Variants in PARD3B observed in about 807,000 individuals in gnomAD.
PARD3B encodes the protein partitioning defective 3 homolog B.
A neutral mutation model predicts 130.2 loss-of-function variants in PARD3B; 103 were observed. That is an observed-to-expected ratio of 0.79 (90% CI 0.67 to 0.93). The LOEUF (loss-of-function observed/expected upper bound fraction) is 0.93. Ranked by LOEUF, PARD3B falls within the 40% of genes least tolerant of loss-of-function variation. The probability of loss-of-function intolerance (pLI) is 0.00; values close to 1 mark genes in which losing one functional copy is unlikely to be tolerated. For synonymous variants in PARD3B, 583 were observed against 553.2 expected (o/e 1.05, Z -0.76); for missense variants, 1,609 against 1,499.2 (o/e 1.07, Z -1.21).
chr2:204,892,814 GA>G (rs2046499091), intron 2 of PARD3B, among the ~76,000 whole-genome samples: 1 of 152,206 alleles, frequency 6.6e-6, no homozygotes, highest in South Asian at 2.1e-4. Context: ...CTTTTCTTGA[GA>G]TGAGAAAGAC....
chr2:204,585,081 A>AG (rs758981221), intron 1 of PARD3B, among the ~76,000 whole-genome samples: 6 of 152,172 alleles, frequency 3.9e-5, no homozygotes, highest in Non-Finnish European at 7.3e-5. Context: ...AAGACTCTAG[A>AG]GGGGGCTAGA....
rs530890544 is a variant in PARD3B at position 205,100,225 on chromosome 2, A to G, written c.505-4201A>G. 1.6e-4 allele frequency among the ~76,000 whole-genome samples: 25 copies of G among 152,276 alleles called. No homozygotes were observed. In the South Asian group the frequency reaches 5.0e-3, roughly 30 times the overall value. Reference sequence around the variant, plus strand: ...TCAACAACAAAGTTCCATTTAGAGTATGGTGCAGAGGCAACAATAATGATA... The same window carrying G: ...TCAACAACAAAGTTCCATTTAGAGTGTGGTGCAGAGGCAACAATAATGATA... On this transcript the variant is annotated intron_variant, in intron 4 of 22. Coordinates refer to ENST00000406610, the MANE Select transcript of PARD3B (RefSeq NM_001302769.2).
At chr2:205,423,441 C>G (rs2047041090) in intron 19 of PARD3B, among the ~76,000 whole-genome samples, 1 of 152,170 alleles carries the variant, frequency 6.6e-6, no homozygotes, top group South Asian at 2.1e-4. Context: ...GTTCTAAGTA[C>G]TTAGTAAATA....
chr2:204,651,715 C>T (rs891231608), intron 1 of PARD3B, among the ~76,000 whole-genome samples: 6 of 152,180 alleles, frequency 3.9e-5, no homozygotes, highest in African/African-American at 1.4e-4. Flanking sequence ...CCCACACTAC[C>T]CCAGTAGAGA....
intron 15 of PARD3B, among the ~76,000 whole-genome samples, chr2:205,195,089 G>A (rs898328619): frequency 2.0e-5 from 3 of 151,434 alleles, no homozygotes; most frequent in Non-Finnish European, 4.4e-5. Context: ...GTGAGCCACC[G>A]CATCCAGCCG....
chr2:204,945,055 T>C (rs1689203693), intron 2 of PARD3B, among the ~76,000 whole-genome samples: 1 of 152,226 alleles, frequency 6.6e-6, no homozygotes, highest in Non-Finnish European at 1.5e-5. Flanking sequence ...GCATAGTGTG[T>C]CTGTTTACAT....
intron 1 of PARD3B, among the ~76,000 whole-genome samples, chr2:204,562,649 T>C (rs2031393225): frequency 6.6e-6 from 1 of 152,158 alleles, no homozygotes; most frequent in African/African-American, 2.4e-5. Context: ...TAGGTCTGGA[T>C]TACTTCCTTT....
intron 21 of PARD3B, among the ~76,000 whole-genome samples, chr2:205,537,365 A>AGGC (rs1295261730): frequency 6.6e-6 from 1 of 152,222 alleles, no homozygotes; most frequent in African/African-American, 2.4e-5. Flanking sequence ...TTTGCATAGA[A>AGGC]ATAATCATGG....
chr2:205,297,044 T>C (rs921998468), intron 16 of PARD3B, among the ~76,000 whole-genome samples: 1 of 152,100 alleles, frequency 6.6e-6, no homozygotes, highest in Non-Finnish European at 1.5e-5. Context: ...TCATGAATCT[T>C]GTGTATGTTG....
chr2:204,801,450 C>T (rs2042565026), intron 2 of PARD3B, among the ~76,000 whole-genome samples: 1 of 151,948 alleles, frequency 6.6e-6, no homozygotes, highest in Admixed American at 6.6e-5. Flanking sequence ...AGTTGTATAC[C>T]TAGGTATTTT....
intron 4 of PARD3B, among the ~76,000 whole-genome samples, chr2:205,093,642 T>C (rs1006856639): frequency 2.0e-5 from 3 of 152,154 alleles, no homozygotes; most frequent in African/African-American, 4.8e-5. Context: ...TTTGGGAATA[T>C]ATTTGTGAAC....
At chr2:205,185,352 A>G (rs972208737) in intron 13 of PARD3B, among the ~76,000 whole-genome samples, 2 of 152,196 alleles carry the variant, frequency 1.3e-5, no homozygotes, top group African/African-American at 2.4e-5. Flanking sequence ...AGTTTTTGCT[A>G]CTGAAGCAAA....
intron 4 of PARD3B, among the ~76,000 whole-genome samples, chr2:205,056,475 A>G (rs1327196674): frequency 1.3e-5 from 2 of 151,994 alleles, no homozygotes; most frequent in Non-Finnish European, 2.9e-5. Flanking sequence ...CTGTCACCAT[A>G]CAGCTTTTGA....
intron 1 of PARD3B, among the ~76,000 whole-genome samples, chr2:204,568,310 C>T (rs2031798276): frequency 6.6e-6 from 1 of 152,124 alleles, no homozygotes; most frequent in Admixed American, 6.5e-5. Flanking sequence ...TGTTTTTTCA[C>T]ATTCTACAAC....
intron 1 of PARD3B, among the ~76,000 whole-genome samples, chr2:204,609,035 A>G (rs765314431): frequency 3.9e-5 from 6 of 152,304 alleles, no homozygotes; most frequent in Middle Eastern, 3.4e-3. Context: ...AAGATTTGCT[A>G]GTTAAAAGTT....
chr2:205,254,088 T>TAAAAAAAAAAAAAAAAAAAAAAAA (rs11287171), intron 16 of PARD3B, among the ~76,000 whole-genome samples: 1 of 75,970 alleles, frequency 1.3e-5, no homozygotes, highest in African/African-American at 4.7e-5. Flanking sequence ...GTAGAGAAAT[T>TAAAAAAAAAAAAAAAAAAAAAAAA]AAAAAAAAAA....
chr2:204,742,108 C>A (rs2040034365), intron 2 of PARD3B, among the ~76,000 whole-genome samples: 1 of 152,132 alleles, frequency 6.6e-6, no homozygotes, highest in African/African-American at 2.4e-5. Context: ...GTTTTAGAAC[C>A]ACTGTCTAAG....
intron 18 of PARD3B, among the ~76,000 whole-genome samples, chr2:205,362,632 A>G (rs2044433589): frequency 6.6e-6 from 1 of 152,224 alleles, no homozygotes; most frequent in East Asian, 1.9e-4. Context: ...TCACATCAGT[A>G]CCTTCCACTT....
In PARD3B at chr2:204,589,371, G is replaced by A. The variant is rs541169545; in HGVS notation, c.120+43252G>A. Reference sequence around the variant, plus strand: ...GTAATAAGATGGGATAAATCAAATAGGACAAAGTCACTAACAGGCCTCAAA... The same window carrying A: ...GTAATAAGATGGGATAAATCAAATAAGACAAAGTCACTAACAGGCCTCAAA... On this transcript the variant is annotated intron_variant, in intron 1 of 22. Transcript: ENST00000406610. Among the ~76,000 whole-genome samples the A allele has an allele frequency of 5.9e-5, 9 of 152,304 alleles. No individual in the cohort carries two copies. In the East Asian group the frequency reaches 1.7e-3, roughly 29 times the overall value.
Sources: allele counts gnomAD v4.1 joint callset (sites outside exome capture counted in the v4.1 genomes callset), GRCh38; gene constraint gnomAD v4.1.1; transcripts MANE v1.5; gene names NCBI Gene and HGNC (gene_info 2026-07-23, HGNC 2026-07-21).